Variants in ADAM12 observed in about 807,000 individuals in gnomAD.
ADAM12 encodes the protein ADAM metallopeptidase domain 12.
ADAM12 carries 70 observed loss-of-function variants against 106.4 expected under a neutral mutation model. That is an observed-to-expected ratio of 0.66 (90% CI 0.54 to 0.80). ADAM12 has a LOEUF of 0.80. ADAM12 is among the 30% of genes least tolerant of loss of function. The pLI, the probability that ADAM12 is intolerant of heterozygous loss-of-function variation, is 0.00. For synonymous variants in ADAM12, 420 were observed against 433.5 expected, an observed-to-expected ratio of 0.97 and a Z score of 0.39; for missense variants, 1,010 against 1,171.9, an observed-to-expected ratio of 0.86 and a Z score of 2.02.
chr10:126,376,657 T>A (rs2133928767), intron 1 of ADAM12, among the ~76,000 whole-genome samples: 1 of 152,264 alleles, frequency 6.6e-6, no homozygotes. Context: ...AATCACCACA[T>A]TCATGATGGG....
chr10:126,044,622 A>G (rs1954267119), intron 17 of ADAM12, among the ~76,000 whole-genome samples: 1 of 152,238 alleles, frequency 6.6e-6, no homozygotes, highest in African/African-American at 2.4e-5. Flanking sequence ...ATTTTAAGGC[A>G]AAATAAAATG....
intron 1 of ADAM12, among the ~76,000 whole-genome samples, chr10:126,387,161 C>G (rs1856692099): frequency 6.6e-6 from 1 of 152,136 alleles, no homozygotes; most frequent in African/African-American, 2.4e-5. Flanking sequence ...CATCGGTGGA[C>G]CGACAGCGCC....
chr10:126,183,961 T>C (rs1468380947), intron 3 of ADAM12, among the ~76,000 whole-genome samples: 2 of 152,244 alleles, frequency 1.3e-5, no homozygotes, highest in African/African-American at 4.8e-5. Context: ...CAATGAAATA[T>C]CTAATAATCT....
chr10:126,370,198 A>T (rs966452682), intron 1 of ADAM12, among the ~76,000 whole-genome samples: 1 of 152,218 alleles, frequency 6.6e-6, no homozygotes, highest in African/African-American at 2.4e-5. Context: ...GCTGAATTAG[A>T]GGACCCAGAT....
intron 18 of ADAM12, chr10:126,041,827 C>T: frequency 9.2e-6 from 11 of 1,192,750 alleles, no homozygotes; most frequent in Non-Finnish European, 1.1e-5. Context: ...AGTCCTCTTC[C>T]TCCTTGCTGC....
intron 1 of ADAM12, among the ~76,000 whole-genome samples, chr10:126,356,839 T>G (rs112241253): frequency 3.3e-4 from 50 of 152,012 alleles, no homozygotes; most frequent in African/African-American, 1.2e-3. Flanking sequence ...TGGCTAAACT[T>G]TAAAAATGCA....
intron 2 of ADAM12, among the ~76,000 whole-genome samples, chr10:126,326,971 C>T (rs1294787181): frequency 1.3e-5 from 2 of 152,180 alleles, no homozygotes; most frequent in Admixed American, 6.5e-5. Context: ...AGTCACTGAA[C>T]CCCCAGGAAC....
intron 1 of ADAM12, 125 bp downstream of exon 1, chr10:126,387,933 G>C (rs906843522): frequency 1.8e-6 from 2 of 1,126,670 alleles, no homozygotes; most frequent in Admixed American, 4.8e-5. Context: ...CGCAAGCCCC[G>C]GGGCTCCGGA....
intron 3 of ADAM12, among the ~76,000 whole-genome samples, chr10:126,235,757 T>C (rs1024579327): frequency 3.3e-5 from 5 of 152,302 alleles, no homozygotes; most frequent in Non-Finnish European, 5.9e-5. Context: ...TTACAAACCA[T>C]TGGTTTCCAA....
intron 18 of ADAM12, chr10:126,042,299 AAAC>A: frequency 6.3e-7 from 1 of 1,590,174 alleles, no homozygotes; most frequent in Non-Finnish European, 8.5e-7. Flanking sequence ...AACTCAGAGA[AAAC>A]AGCACCGCAC....
At chr10:126,330,845 ATACT>A (rs1396686928) in intron 1 of ADAM12, among the ~76,000 whole-genome samples, 7 of 152,372 alleles carry the variant, frequency 4.6e-5, no homozygotes, top group Admixed American at 2.6e-4. Context: ...TGATGAATTG[ATACT>A]TTATTTAGGA....
rs1168191056 is a variant in ADAM12 at position 126,185,108 on chromosome 10, T to C, written c.261-29803A>G. On this transcript the variant is annotated intron_variant, in intron 3 of 22. Coordinates refer to ENST00000448723, the MANE Select transcript of ADAM12 (RefSeq NM_001288973.2). ...TTTCAGGACCGTCTTGCACATGGTCTGGATTTTGTAGCACAAAGCTGAGTC... is the reference window on the plus strand; with the variant it reads ...TTTCAGGACCGTCTTGCACATGGTCCGGATTTTGTAGCACAAAGCTGAGTC... Among the ~76,000 whole-genome samples the C allele has an allele frequency of 3.9e-5, 6 of 152,354 alleles. No individual in the cohort carries two copies. The East Asian group carries it at 1.2e-3, about 29-fold the overall frequency.
rs956470448 is a variant in ADAM12, at chr10:126,388,249, C to A, written c.-104G>T. On this transcript the variant is annotated 5_prime_UTR_variant, in exon 1 of 23. Coordinates refer to ENST00000448723, the MANE Select transcript of ADAM12 (RefSeq NM_001288973.2). This position sits in a 1 kb window ranked among gnomAD's most constrained non-coding sequence, Gnocchi z 4.4. ...CCGGGCGTCGCGACCGGAGGGATTT[C>A]CTGCCTCGGCGAGTCAGCTCCGGAG... 3 of 1,181,330 alleles carry A rather than the reference C, an allele frequency of 2.5e-6. No individual in the cohort carries two copies. The highest frequency in any genetic ancestry group is 9.1e-5 in the Admixed American group (2 of 22,044). The allele number at this position is 1,181,330 out of a possible 1,614,324, so 73.2% of individuals were successfully genotyped here.
At position 126,289,364 on chromosome 10, in the gene ADAM12, T is replaced by C. The variant is rs542967864; in HGVS notation, c.187-10376A>G. On this transcript the variant is annotated intron_variant, in intron 2 of 22. Coordinates refer to ENST00000448723, the MANE Select transcript of ADAM12 (RefSeq NM_001288973.2). ...AGAAGGCCGAGGCCGGGATGAGTCT[T>C]TCCTGTCAGCCACGTACCACCTGGG... is the stretch of plus-strand genomic sequence containing the variant. Among the ~76,000 whole-genome samples the C allele has an allele frequency of 7.5e-4, 114 of 152,334 alleles. 1 individual carries two copies. The highest frequency in any genetic ancestry group is 2.2e-4 in the Non-Finnish European group (15 of 68,020).
intron 1 of ADAM12, among the ~76,000 whole-genome samples, chr10:126,342,437 T>C (rs1274455126): frequency 6.6e-6 from 1 of 152,208 alleles, no homozygotes; most frequent in African/African-American, 2.4e-5. Flanking sequence ...TTGACAGATA[T>C]TTATTAGGCA....
At position 126,346,581 on chromosome 10, in the gene ADAM12, A is replaced by G. The variant is rs571656389; in HGVS notation, c.89-16072T>C. Reference sequence around the variant, plus strand: ...AGTTCAATCCCTGGATATCCTTTTTAACTTTCTGTCTCGTTGATCTGTCTA... The same window carrying G: ...AGTTCAATCCCTGGATATCCTTTTTGACTTTCTGTCTCGTTGATCTGTCTA... On this transcript the variant is annotated intron_variant, in intron 1 of 22. Transcript: ENST00000448723. Among the ~76,000 whole-genome samples the G allele has an allele frequency of 2.6e-5, 4 of 152,076 alleles. No homozygotes were observed. The South Asian group carries it at 8.3e-4, about 32-fold the overall frequency.
At chr10:126,243,084 G>A (rs978160953) in intron 3 of ADAM12, among the ~76,000 whole-genome samples, 15 of 152,138 alleles carry the variant, frequency 9.9e-5, no homozygotes, top group South Asian at 4.1e-4. Flanking sequence ...CTGTCAGCGC[G>A]TGCAGAGCAG....
chr10:126,015,033 A>G lies in ADAM12; in HGVS notation c.*2246T>C, dbSNP rs1400449663. The stretch of plus-strand genomic sequence containing the variant: ...CATCTTGGAAGGATTAATACTGTCC[A>G]TATTGTAAGGGAATATTAGTTTAAA... On this transcript the variant is annotated 3_prime_UTR_variant, in exon 23 of 23. Transcript: ENST00000448723. 1.3e-5 allele frequency: 2 copies of G among 152,220 alleles called. No individual in the cohort carries two copies. The highest frequency in any genetic ancestry group is 4.8e-5 in the African/African-American group (2 of 41,452). The allele number at this position is 152,220 out of a possible 1,614,324, so 9.4% of individuals were successfully genotyped here. A position where few individuals can be genotyped will look rare whatever the true frequency, so the allele number is the denominator to read the frequency against.
At chr10:126,318,156 AC>A (rs999694038) in intron 2 of ADAM12, among the ~76,000 whole-genome samples, 8 of 152,084 alleles carry the variant, frequency 5.3e-5, no homozygotes, top group Non-Finnish European at 7.4e-5. Context: ...TACCAGATGA[AC>A]CCAGTGCAGC....
Sources: allele counts gnomAD v4.1 joint callset (sites outside exome capture counted in the v4.1 genomes callset), GRCh38; gene constraint gnomAD v4.1.1; non-coding constraint Gnocchi (gnomAD v3.1); transcripts MANE v1.5; gene names NCBI Gene and HGNC (gene_info 2026-07-23, HGNC 2026-07-21).